Variants in PCDH15 observed in about 807,000 individuals in gnomAD.
PCDH15 encodes protocadherin-15.
A neutral mutation model predicts 178.5 loss-of-function variants in PCDH15; 129 were observed. That is an observed-to-expected ratio of 0.72 (90% CI 0.63 to 0.84). The LOEUF is 0.84. Ranked by LOEUF, PCDH15 falls within the 40% of genes least tolerant of loss-of-function variation. The pLI, the probability that PCDH15 is intolerant of heterozygous loss-of-function variation, is 0.00. For missense variants in PCDH15, 2,230 were observed against 2,099.9 expected, an observed-to-expected ratio of 1.06 and a Z score of -1.21; for synonymous variants, 800 against 732.0, an observed-to-expected ratio of 1.09 and a Z score of -1.50.
chr10:54,022,383 G>C (rs1167146530), intron 19 of PCDH15, among the ~76,000 whole-genome samples: 2 of 152,008 alleles, frequency 1.3e-5, no homozygotes, highest in Non-Finnish European at 2.9e-5. Context: ...TTGTAAAATA[G>C]AGGGGAAACC....
intron 2 of PCDH15, among the ~76,000 whole-genome samples, chr10:54,955,713 T>C (rs919578306): frequency 2.6e-5 from 4 of 151,324 alleles, no homozygotes; most frequent in Admixed American, 2.6e-4. Flanking sequence ...AATAAAATGA[T>C]TTTGTCATTC....
chr10:53,925,182 G>A (rs1034350770), intron 25 of PCDH15, among the ~76,000 whole-genome samples: 17 of 152,118 alleles, frequency 1.1e-4, no homozygotes, highest in African/African-American at 4.1e-4. Flanking sequence ...TCACTCTTTG[G>A]TTCCACGCTG....
chr10:54,815,805 G>GCAGACAGATGATTCATCTTT (rs1952937983), intron 3 of PCDH15, among the ~76,000 whole-genome samples: 1 of 152,034 alleles, frequency 6.6e-6, no homozygotes, highest in African/African-American at 2.4e-5. Flanking sequence ...GATTCATCTT[G>GCAGACAGATGATTCATCTTT]CAAACAGATG....
chr10:54,723,768 G>A (rs1362837481), intron 1 of PCDH15, among the ~76,000 whole-genome samples: 6 of 151,646 alleles, frequency 4.0e-5, no homozygotes, highest in Non-Finnish European at 5.9e-5. Flanking sequence ...AATACATACA[G>A]CCAACAAACA....
chr10:53,836,180 G>A (rs2077296819), intron 29 of PCDH15, among the ~76,000 whole-genome samples: 2 of 152,118 alleles, frequency 1.3e-5, no homozygotes, highest in Admixed American at 6.5e-5. Flanking sequence ...GGTCTACTAT[G>A]GATTGAGAAG....
At chr10:54,728,189 A>G in intron 1 of PCDH15, among the ~76,000 whole-genome samples, 1 of 151,534 alleles carries the variant, frequency 6.6e-6, no homozygotes. Flanking sequence ...TCAACAAAAT[A>G]CTAGCAAACT....
chr10:54,478,118 A>C (rs1206759422), intron 3 of PCDH15, among the ~76,000 whole-genome samples: 1 of 152,092 alleles, frequency 6.6e-6, no homozygotes, highest in Non-Finnish European at 1.5e-5. Context: ...AAGCTTACAG[A>C]TTTTGATCAT....
At chr10:54,621,789 C>A (rs2093355654) in intron 2 of PCDH15, among the ~76,000 whole-genome samples, 1 of 151,554 alleles carries the variant, frequency 6.6e-6, no homozygotes. Context: ...ATAATGAATG[C>A]AAAAATGTGG....
At chr10:53,938,777 A>G in intron 25 of PCDH15, 38 bp downstream of exon 25, 2 of 1,603,854 alleles carry the variant, frequency 1.2e-6, no homozygotes, top group Non-Finnish European at 1.7e-6. Flanking sequence ...CAGAGACACC[A>G]TACAATTCTG....
intron 2 of PCDH15, among the ~76,000 whole-genome samples, chr10:55,108,994 A>G (rs1186956936): frequency 6.6e-6 from 1 of 152,190 alleles, no homozygotes; most frequent in Non-Finnish European, 1.5e-5. Flanking sequence ...TTAAGAGACT[A>G]AGATGGGTAG....
At chr10:53,833,333 A>G (rs1286058439) in intron 29 of PCDH15, among the ~76,000 whole-genome samples, 1 of 152,070 alleles carries the variant, frequency 6.6e-6, no homozygotes, top group African/African-American at 2.4e-5. Context: ...TTACTTAGAT[A>G]CTTATTTTCA....
rs1397992503 is a variant in PCDH15 at position 55,274,746 on chromosome 10, G to T, written c.-156+44853C>A. ...CGGAGGCAGGGGTGGGGACTGTAGGGAGGGTGTGGGTGGTTGGTTTCGGGA... is the reference window on the plus strand; with the variant it reads ...CGGAGGCAGGGGTGGGGACTGTAGGTAGGGTGTGGGTGGTTGGTTTCGGGA... On this transcript the variant is annotated intron_variant, in intron 1 of 5. Transcript: ENST00000458638. Among the ~76,000 whole-genome samples, 3 of 152,222 alleles carry T rather than the reference G, an allele frequency of 2.0e-5. No individual in the cohort carries two copies. The East Asian group carries it at 5.8e-4, about 29-fold the overall frequency.
chr10:54,841,492 G>C (rs1213066600), intron 3 of PCDH15, among the ~76,000 whole-genome samples: 2 of 151,144 alleles, frequency 1.3e-5, no homozygotes, highest in Non-Finnish European at 3.0e-5. Flanking sequence ...ACATATCAAA[G>C]AACTAGGGAA....
intron 20 of PCDH15, among the ~76,000 whole-genome samples, chr10:54,012,925 A>G (rs997932771): frequency 2.0e-5 from 3 of 152,144 alleles, no homozygotes; most frequent in African/African-American, 7.2e-5. Flanking sequence ...ACACACATCA[A>G]TATTAACACT....
intron 2 of PCDH15, among the ~76,000 whole-genome samples, chr10:54,588,765 G>A (rs550422438): frequency 3.3e-5 from 5 of 151,972 alleles, no homozygotes; most frequent in Non-Finnish European, 5.9e-5. Context: ...GTAAAGACAC[G>A]GTCTGACTAT....
chr10:54,901,042 G>A (rs543382798), intron 2 of PCDH15, among the ~76,000 whole-genome samples: 1 of 152,224 alleles, frequency 6.6e-6, no homozygotes, highest in South Asian at 2.1e-4. Context: ...AGCCAGGTGT[G>A]GTGGCTCGTG....
chr10:54,459,837 C>A (rs114777555), intron 3 of PCDH15, among the ~76,000 whole-genome samples: 1,654 of 152,100 alleles, frequency 0.011, 24 homozygotes, highest in African/African-American at 0.036. Flanking sequence ...TGGTCTCTTC[C>A]AGAGAGGTTT....
intron 3 of PCDH15, among the ~76,000 whole-genome samples, chr10:54,486,698 A>T (rs1418351675): frequency 6.6e-6 from 1 of 151,954 alleles, no homozygotes; most frequent in Non-Finnish European, 1.5e-5. Context: ...AAAAGACTGT[A>T]AAACCTTCCA....
chr10:55,255,447 T>C (rs1841969459), intron 1 of PCDH15, among the ~76,000 whole-genome samples: 1 of 152,238 alleles, frequency 6.6e-6, no homozygotes, highest in African/African-American at 2.4e-5. Context: ...GCATGATTTA[T>C]AATCCCTTGG....
Sources: gnomAD v4.1 joint callset for allele counts (sites outside exome capture counted in the v4.1 genomes callset) on GRCh38, gnomAD v4.1.1 for gene constraint, MANE v1.5 for transcripts, NCBI Gene and HGNC (gene_info 2026-07-23, HGNC 2026-07-21) for gene names.